Variants in CDH11 observed in about 807,000 individuals in gnomAD.
The protein encoded by CDH11 is cadherin-11.
In CDH11, 11 loss-of-function variants were observed where a neutral mutation model predicts 67.8. That is an observed-to-expected ratio of 0.16 (90% CI 0.10 to 0.27). The LOEUF (loss-of-function observed/expected upper bound fraction) is 0.27. CDH11 is among the 10% of genes least tolerant of loss of function. The pLI is 1.00. For missense variants in CDH11, 847 were observed against 1,031.2 expected (o/e 0.82, Z 2.45); for synonymous variants, 419 against 400.0 (o/e 1.05, Z -0.57).
At chr16:65,031,806 C>A (rs1364317390) in intron 2 of CDH11, among the ~76,000 whole-genome samples, 1 of 152,102 alleles carries the variant, frequency 6.6e-6, no homozygotes, top group Non-Finnish European at 1.5e-5. Context: ...CATGCCTGTG[C>A]TGAAGCATAC....
In CDH11 at chr16:64,991,850, T is replaced by G. The variant is rs1488242849; in HGVS notation, c.729A>C (p.Gly243=). Residue 243 remains glycine (G), a synonymous_variant, in exon 6 of 13, where the codon GGA becomes GGC. Coordinates refer to ENST00000268603, the MANE Select transcript of CDH11 (RefSeq NM_001797.4). The stretch of plus-strand genomic sequence containing the variant: ...TTGTCCCTGAGAGTCCGCCCATATG[T>G]CCACCCATGTCCTTGGCCTGGATCA... ...HVVIQAKDMG[G]HMGGLSGTTK... 1 of 1,613,678 alleles carries G rather than the reference T, an allele frequency of 6.2e-7. No individual in the cohort carries two copies. Among genetic ancestry groups the G allele is most frequent in the Non-Finnish European group, 8.5e-7 (1 of 1,179,732 alleles).
At chr16:64,977,737 T>G (rs1249102360) in intron 8 of CDH11, among the ~76,000 whole-genome samples, 1 of 152,190 alleles carries the variant, frequency 6.6e-6, no homozygotes, top group Non-Finnish European at 1.5e-5. Flanking sequence ...CCACGTGACT[T>G]TAAAGAAGTC....
chr16:65,053,781 T>A (rs1441753874), intron 2 of CDH11, 23 bp downstream of exon 2: 4 of 455,898 alleles, frequency 8.8e-6, no homozygotes, highest in African/African-American at 2.0e-5. Context: ...TGTGAATTGT[T>A]CAGTAATATT....
chr16:64,982,893 T>C (rs575353052), intron 7 of CDH11: 1 of 152,690 alleles, frequency 6.5e-6, no homozygotes, highest in South Asian at 2.1e-4. Flanking sequence ...TCAAATGATA[T>C]TAACTCACAT....
rs567235401 is a variant in CDH11, at chr16:65,113,597, T to C, written c.-298+8283A>G. 7.2e-5 allele frequency among the ~76,000 whole-genome samples: 11 copies of C among 152,282 alleles called. No homozygotes were observed. The South Asian group carries it at 2.3e-3, about 32-fold the overall frequency. ...CTGCAATAGGGAACATGATTTAAGA[T>C]GCCACGTGGTAAAGCGGGCAGTGAC... On this transcript the variant is annotated intron_variant, in intron 1 of 12. Transcript: ENST00000268603.
chr16:64,973,108 T>C, intron 8 of CDH11, 68 bp from the exon 9 acceptor site: 1 of 1,424,606 alleles, frequency 7.0e-7, no homozygotes, highest in Non-Finnish European at 9.7e-7. Flanking sequence ...GAATATTTTC[T>C]CCATGCTATA....
chr16:65,068,121 GGGA>G (rs1260286907), intron 1 of CDH11, among the ~76,000 whole-genome samples: 2 of 141,270 alleles, frequency 1.4e-5, no homozygotes, highest in Non-Finnish European at 3.1e-5. Context: ...GATGAAAGGA[GGGA>G]GGGAGGGGGC....
chr16:65,038,507 T>C (rs2073798864), intron 2 of CDH11, among the ~76,000 whole-genome samples: 2 of 152,126 alleles, frequency 1.3e-5, no homozygotes, highest in Non-Finnish European at 2.9e-5. Flanking sequence ...ACATGCAACT[T>C]ACAATAGAAA....
intron 11 of CDH11, among the ~76,000 whole-genome samples, chr16:64,971,058 T>G (rs1289248400): frequency 6.6e-6 from 1 of 152,224 alleles, no homozygotes; most frequent in African/African-American, 2.4e-5. Context: ...TTTGCCGTTT[T>G]TATAATGGAC....
intron 11 of CDH11, among the ~76,000 whole-genome samples, chr16:64,969,500 G>T (rs1221122214): frequency 6.6e-6 from 1 of 152,164 alleles, no homozygotes; most frequent in African/African-American, 2.4e-5. Context: ...GAACATCTGA[G>T]TTTTCTGGGC....
intron 4 of CDH11, among the ~76,000 whole-genome samples, 162 bp from the exon 5 acceptor site, chr16:64,993,196 A>AACTTCCTTCCTTCCTTCCTT (rs754047947): frequency 1.2e-4 from 17 of 147,102 alleles, no homozygotes; most frequent in Non-Finnish European, 2.2e-4. Flanking sequence ...CAGCCAACCA[A>AACTTCCTTCCTTCCTTCCTT]CCTTCCTTCC....
rs149435705 is a variant in CDH11 at position 65,080,356 on chromosome 16, G to A, written c.-297-26428C>T. On this transcript the variant is annotated intron_variant, in intron 1 of 12. Coordinates refer to ENST00000268603, the MANE Select transcript of CDH11 (RefSeq NM_001797.4). ...ATTCCTTTAGAATGGGTGCTTAGAA[G>A]TGAAATCACTGGGTCAAAAGAGGTA... Among the ~76,000 whole-genome samples the A allele has an allele frequency of 4.6e-3, 697 of 151,740 alleles. 3 individuals are homozygous for A. Among genetic ancestry groups the A allele is most frequent in the African/African-American group, 0.016 (658 of 41,360 alleles).
At chr16:64,984,101 C>A (rs960323624) in intron 7 of CDH11, among the ~76,000 whole-genome samples, 1 of 152,138 alleles carries the variant, frequency 6.6e-6, no homozygotes, top group African/African-American at 2.4e-5. Context: ...CCCAGTTTGG[C>A]GAGATTCCAA....
At chr16:65,111,360 T>TG (rs2075152075) in intron 1 of CDH11, among the ~76,000 whole-genome samples, 2 of 152,198 alleles carry the variant, frequency 1.3e-5, no homozygotes. Flanking sequence ...GCACAGCTGG[T>TG]TAGTGACATG....
In CDH11 at chr16:65,091,797, C is replaced by T. The variant is rs531035195; in HGVS notation, c.-298+30083G>A. Among the ~76,000 whole-genome samples, 13 of 152,082 alleles carry T rather than the reference C, an allele frequency of 8.5e-5. 1 individual carries two copies. In the South Asian group the frequency reaches 1.2e-3, roughly 15 times the overall value. ...CGATCTCCCAACCTCGTGATCCACC[C>T]GAGATTAGGCCTTTCTTAAGAAAGA... On this transcript the variant is annotated intron_variant, in intron 1 of 12. Transcript: ENST00000268603.
chr16:65,047,163 T>C (rs562131832), intron 2 of CDH11, among the ~76,000 whole-genome samples: 3 of 152,126 alleles, frequency 2.0e-5, no homozygotes, highest in East Asian at 1.9e-4. Flanking sequence ...ATGTGATCTA[T>C]GTATACAAAT....
intron 2 of CDH11, among the ~76,000 whole-genome samples, chr16:65,048,740 A>G (rs1426034198): frequency 6.6e-6 from 1 of 152,112 alleles, no homozygotes; most frequent in Non-Finnish European, 1.5e-5. Context: ...ATGTGTATCT[A>G]TACACACATA....
At chr16:65,011,225 A>C (rs902451839) in intron 2 of CDH11, among the ~76,000 whole-genome samples, 1 of 151,866 alleles carries the variant, frequency 6.6e-6, no homozygotes, top group Non-Finnish European at 1.5e-5. Context: ...ACAATGTTGT[A>C]ATTCTAATGC....
intron 7 of CDH11, 55 bp from the exon 8 acceptor site, chr16:64,982,356 A>C: frequency 7.3e-7 from 1 of 1,363,850 alleles, no homozygotes; most frequent in South Asian, 1.2e-5. Context: ...ATAATGGAAG[A>C]GAAAGACCCG....
Sources: allele counts gnomAD v4.1 joint callset (sites outside exome capture counted in the v4.1 genomes callset), GRCh38; gene constraint gnomAD v4.1.1; transcripts MANE v1.5; gene names NCBI Gene and HGNC (gene_info 2026-07-23, HGNC 2026-07-21).